Variants in C21orf58 observed in about 807,000 individuals in gnomAD.
C21orf58 encodes uncharacterized protein C21orf58.
A neutral mutation model predicts 35.8 loss-of-function variants in C21orf58; 34 were observed. The ratio of observed to expected loss-of-function variants is 0.95; its 90% CI spans 0.72 to 1.26. The LOEUF is 1.26. Ranked by LOEUF, C21orf58 falls within the 50% of genes most tolerant of loss-of-function variation. C21orf58 has a pLI of 0.00. For missense variants in C21orf58, 440 were observed against 414.3 expected (o/e 1.06, Z -0.54); for synonymous variants, 191 against 175.8 (o/e 1.09, Z -0.68).
At position 46,318,118 on chromosome 21, in the gene C21orf58, C is replaced by T. The variant is rs756343058; in HGVS notation, c.203G>A (p.Gly68Glu). ...CTGTAGGGGCAGGGGAGGCCACAGCCCACCTCCCTCCCTGGTTCTGTTACT... is the reference window on the plus strand; with the variant it reads ...CTGTAGGGGCAGGGGAGGCCACAGCTCACCTCCCTCCCTGGTTCTGTTACT... The part of the protein sequence containing the change: ...PASNRTREGG[G>E]LWPPLPLQSS... The change falls in exon 2 of 8, where the codon GGG (glycine) becomes GAG (glutamate). Residue 68 changes from glycine to glutamate, a missense_variant. Transcript: ENST00000291691. 3 of 1,613,138 alleles carry T rather than the reference C, an allele frequency of 1.9e-6. No individual in the cohort carries two copies. The highest frequency in any genetic ancestry group is 2.5e-6 in the Non-Finnish European group (3 of 1,180,014).
chr21:46,303,745 ATTTTTTTTTTTTTT>A (rs869177693), intron 6 of C21orf58, among the ~76,000 whole-genome samples: 17 of 23,814 alleles, frequency 7.1e-4, no homozygotes, highest in East Asian at 3.6e-3. Context: ...ATATATATAT[ATTTTTTTTTTTTTT>A]TTTTTTTTTG....
At chr21:46,319,594 C>T (rs2083088945) in intron 1 of C21orf58, among the ~76,000 whole-genome samples, 1 of 152,152 alleles carries the variant, frequency 6.6e-6, no homozygotes, top group African/African-American at 2.4e-5. Context: ...AAGACCCCAT[C>T]TCTATAAAAA....
intron 7 of C21orf58, 40 bp downstream of exon 7, chr21:46,302,445 T>C (rs1265063414): frequency 6.8e-7 from 1 of 1,471,946 alleles, no homozygotes; most frequent in Non-Finnish European, 9.4e-7. Context: ...ACCCAGGCCC[T>C]GTTTCCTTGG....
rs2083230150 is a variant in C21orf58 at position 46,323,080 on chromosome 21, G to A, written c.-342C>T. 1 of 170,748 alleles carries A rather than the reference G, an allele frequency of 5.9e-6. No homozygotes were observed. The highest frequency in any genetic ancestry group is 2.4e-5 in the African/African-American group (1 of 42,274). 10.6% of individuals were successfully genotyped at this position (170,748 alleles called of 1,614,324 possible). The stretch of plus-strand genomic sequence containing the variant: ...TAAGGACGGCCTGCGCGAGGTCACC[G>A]GCCCTGTCTTGGTTTTTTGCCACTT... On this transcript the variant is annotated 5_prime_UTR_variant, in exon 1 of 8. Coordinates refer to ENST00000291691, the MANE Select transcript of C21orf58 (RefSeq NM_058180.5).
intron 2 of C21orf58, among the ~76,000 whole-genome samples, chr21:46,317,747 C>A (rs1379034401): frequency 2.0e-5 from 3 of 152,316 alleles, no homozygotes; most frequent in Non-Finnish European, 2.9e-5. Flanking sequence ...ACAATGCAGG[C>A]AGGGGGTGCA....
chr21:46,302,773 CG>C, intron 6 of C21orf58, among the ~76,000 whole-genome samples, 197 bp from the exon 7 acceptor site: 1 of 121,592 alleles, frequency 8.2e-6, no homozygotes, highest in Non-Finnish European at 1.8e-5. Context: ...TGCGGGTCCC[CG>C]GGGCGCGCCC....
At position 46,302,265 on chromosome 21, in the gene C21orf58, G is replaced by A. The variant is rs942725144; in HGVS notation, c.814-111C>T. The A allele has an allele frequency of 3.5e-6, 5 of 1,424,138 alleles. No homozygotes were observed. The Admixed American group carries it at 1.1e-4, about 32-fold the overall frequency. 88.2% of individuals were successfully genotyped at this position (1,424,138 alleles called of 1,614,324 possible). A position where few individuals can be genotyped will look rare whatever the true frequency, so the allele number is the denominator to read the frequency against. On this transcript the variant is annotated intron_variant, in intron 7 of 7. Transcript: ENST00000291691. ...CCCATGTGATAGGCAGGATGGCAGG[G>A]TCTAAGCATCCTCCCAGAGGAGGCT... is the stretch of plus-strand genomic sequence containing the variant.
In C21orf58 at chr21:46,322,780, A is replaced by C. The variant is rs768777978; in HGVS notation, c.-42T>G. On this transcript the variant is annotated 5_prime_UTR_variant, in exon 1 of 8. Transcript: ENST00000291691. ...CGTCGCAGCGAGACTGTCTCAAAAAAAGAAAAAAAATTCTGAGCGAGATTC... is the reference window on the plus strand; with the variant it reads ...CGTCGCAGCGAGACTGTCTCAAAAACAGAAAAAAAATTCTGAGCGAGATTC... 3.7e-6 allele frequency: 5 copies of C among 1,345,592 alleles called. No homozygotes were observed. The South Asian group carries it at 7.8e-5, about 21-fold the overall frequency. The allele number at this position is 1,345,592 out of a possible 1,614,324, so 83.4% of individuals were successfully genotyped here.
At chr21:46,322,264 G>A (rs535157889) in intron 1 of C21orf58, 1 of 179,056 alleles carries the variant, frequency 5.6e-6, no homozygotes, top group South Asian at 1.9e-4. Context: ...TCTAGCCTGT[G>A]TGACAGACTG....
At chr21:46,318,514 A>G in intron 1 of C21orf58, 1 of 1,304,260 alleles carries the variant, frequency 7.7e-7, no homozygotes, top group Non-Finnish European at 9.8e-7. Context: ...CACCAGCCTC[A>G]GGACCCAGTC....
In C21orf58 at chr21:46,322,787, A is replaced by C; in HGVS notation, c.-49T>G. ...GCGAGACTGTCTCAAAAAAAGAAAA[A>C]AAATTCTGAGCGAGATTCCAGGGCT... On this transcript the variant is annotated 5_prime_UTR_variant, in exon 1 of 8. Transcript: ENST00000291691. 5 of 1,305,942 alleles carry C rather than the reference A, an allele frequency of 3.8e-6. No homozygotes were observed. Among genetic ancestry groups the C allele is most frequent in the Non-Finnish European group, 5.1e-6 (5 of 985,674 alleles). 80.9% of individuals were successfully genotyped at this position (1,305,942 alleles called of 1,614,324 possible).
At chr21:46,312,082 CCCAT>C (rs953488137) in intron 5 of C21orf58, among the ~76,000 whole-genome samples, 3 of 151,626 alleles carry the variant, frequency 2.0e-5, no homozygotes, top group Non-Finnish European at 4.4e-5. Context: ...CATCCACCCA[CCCAT>C]CCATCCAACC....
At position 46,322,663 on chromosome 21, in the gene C21orf58, CAGG is replaced by C. The variant is rs1216640967; in HGVS notation, c.73_75del (p.Pro25del). On this transcript the variant is annotated inframe_deletion, in exon 1 of 8. Transcript: ENST00000291691. ...CCACACAGAAGACTGTGGCCTGAGT[CAGG>C]AGAAGGAAGTTTCTGGCGGTCGAGC... The C allele has an allele frequency of 1.3e-6, 2 of 1,593,642 alleles. No homozygotes were observed. The highest frequency in any genetic ancestry group is 2.3e-5 in the East Asian group (1 of 43,478).
At position 46,318,158 on chromosome 21, in the gene C21orf58, G is replaced by C; in HGVS notation, c.163C>G (p.Gln55Glu). 6.2e-7 allele frequency: 1 copy of C among 1,613,108 alleles called. No individual in the cohort carries two copies. The highest frequency in any genetic ancestry group is 1.7e-5 in the Admixed American group (1 of 60,026). ...GTTCTGTTACTCGCAGGAAAGAACT[G>C]CTCAGCAGGAGCCCAAGCACCGGTG... ...GNTGAWAPAE[Q>E]FFPASNRTRE... The change falls in exon 2 of 8, where the codon CAG becomes GAG. Residue 55 changes from glutamine to glutamate, a missense_variant. Physicochemically the swap from Gln to Glu is conservative, Grantham distance 29. Coordinates refer to ENST00000291691, the MANE Select transcript of C21orf58 (RefSeq NM_058180.5).
intron 6 of C21orf58, among the ~76,000 whole-genome samples, chr21:46,309,057 G>C (rs1048711971): frequency 6.6e-6 from 1 of 152,188 alleles, no homozygotes; most frequent in African/African-American, 2.4e-5. Context: ...AGTGGCTCAC[G>C]CCTGTAATCC....
intron 1 of C21orf58, among the ~76,000 whole-genome samples, chr21:46,321,410 A>G (rs192733688): frequency 2.0e-5 from 3 of 152,332 alleles, no homozygotes; most frequent in East Asian, 1.9e-4. Flanking sequence ...AAGTAACTGA[A>G]GTCCACACTT....
At position 46,302,106 on chromosome 21, in the gene C21orf58, G is replaced by A. The variant is rs1420967692; in HGVS notation, c.862C>T (p.Leu288=). ...TGGTGGTGGTGGTGCACGGCAGGCA[G>A]CCTTGGCCTGGCAGCTCGTGGGACC... The part of the protein sequence containing the change: ...PRVPRAARPR[L]PAVHHHHHHH... Residue 288 remains leucine, a synonymous_variant, in exon 8 of 8, where the codon CTG becomes TTG. Transcript: ENST00000291691. 1 of 1,528,836 alleles carries A rather than the reference G, an allele frequency of 6.5e-7. No homozygotes were observed. The highest frequency in any genetic ancestry group is 2.0e-5 in the Admixed American group (1 of 49,076). The allele number at this position is 1,528,836 out of a possible 1,614,324, so 94.7% of individuals were successfully genotyped here. A position where few individuals can be genotyped will look rare whatever the true frequency, so the allele number is the denominator to read the frequency against.
chr21:46,317,139 G>A, intron 3 of C21orf58, 69 bp downstream of exon 3: 13 of 1,421,228 alleles, frequency 9.1e-6, no homozygotes, highest in Non-Finnish European at 1.3e-5. Context: ...CCCCCTGGAG[G>A]TGGCTCCCCC....
chr21:46,315,493 T>C lies in C21orf58; in HGVS notation c.425A>G (p.Asp142Gly), dbSNP rs2082938528. The C allele has an allele frequency of 6.2e-7, 1 of 1,607,420 alleles. No individual in the cohort carries two copies. Among genetic ancestry groups the C allele is most frequent in the South Asian group, 1.1e-5 (1 of 90,970 alleles). ...GCCTACCCGGAGTCTCTGCAGAAGG[T>C]CCCTCCTTCTCTTCAGAGCAGTCTG... Reference protein sequence around the residue: ...ALQTALKRRRDLLQRLREQHL... With the variant: ...ALQTALKRRRGLLQRLREQHL... The change falls in exon 4 of 8, where the codon GAC (aspartate) becomes GGC (glycine). Residue 142 changes from aspartate to glycine, a missense_variant. By Grantham distance (94) the Asp-to-Gly change is moderately conservative. Coordinates refer to ENST00000291691, the MANE Select transcript of C21orf58 (RefSeq NM_058180.5).
Sources: allele counts gnomAD v4.1 joint callset (sites outside exome capture counted in the v4.1 genomes callset), GRCh38; gene constraint gnomAD v4.1.1; transcripts MANE v1.5; gene names NCBI Gene and HGNC (gene_info 2026-07-23, HGNC 2026-07-21).